The following DCAF6 variants were observed in gnomAD, a reference collection of about 807,000 sequenced individuals.
DCAF6 encodes DDB1- and CUL4-associated factor 6.
In DCAF6, 54 loss-of-function variants were observed where a neutral mutation model predicts 125.1. That is an observed-to-expected ratio of 0.43 (90% CI 0.35 to 0.54). The LOEUF (loss-of-function observed/expected upper bound fraction) is 0.54. Ranked by LOEUF, DCAF6 falls within the 20% of genes least tolerant of loss-of-function variation. The pLI, the probability that DCAF6 is intolerant of heterozygous loss-of-function variation, is 0.01. For synonymous variants in DCAF6, 371 were observed against 390.4 expected (o/e 0.95, Z 0.58); for missense variants, 934 against 1,161.7 (o/e 0.80, Z 2.85).
the DCAF6 span, among the ~76,000 whole-genome samples, chr1:167,925,463 A>G: frequency 1.7e-5 from 2 of 116,358 alleles, no homozygotes; most frequent in African/African-American, 8.5e-5. Flanking sequence ...ATATATATAT[A>G]TATATATATA....
intron 4 of DCAF6, among the ~76,000 whole-genome samples, chr1:167,981,015 T>C (rs1679046812): frequency 1.3e-5 from 2 of 150,148 alleles, no homozygotes; most frequent in Admixed American, 1.3e-4. Context: ...CAAGCAATTC[T>C]CCTGCCTCAG....
At chr1:168,032,490 G>T (rs1195299596) in intron 12 of DCAF6, among the ~76,000 whole-genome samples, 1 of 152,214 alleles carries the variant, frequency 6.6e-6, no homozygotes, top group Non-Finnish European at 1.5e-5. Context: ...AAAAACTGTG[G>T]TTGAGAAATT....
At chr1:167,975,487 G>A (rs1362694834) in intron 4 of DCAF6, among the ~76,000 whole-genome samples, 1 of 152,126 alleles carries the variant, frequency 6.6e-6, no homozygotes, top group Non-Finnish European at 1.5e-5. Context: ...AATTAAATAA[G>A]GTGGAATAAA....
Position 168,015,893 on chromosome 1 carries a change from G to C in DCAF6, c.1491G>C (p.Gln497His), listed in dbSNP as rs924510861. Residue 497 changes from glutamine to histidine, a missense_variant, in exon 11 of 22, where the codon CAG becomes CAC. Around this residue, in one of 5 missense-constraint regions of DCAF6, gnomAD observed 559 missense variants for 635.5 expected, o/e 0.88. Coordinates refer to ENST00000367840, the MANE Select transcript of DCAF6 (RefSeq NM_001198956.2). ...AGCTAGCTGCACATACCCAGCAACA[G>C]CCTTCCACTTCTGATCAGTCTTCTC... Reference protein sequence around the residue: ...QQELAAHTQQQPSTSDQSSHE... With the variant: ...QQELAAHTQQHPSTSDQSSHE... 1 of 1,542,960 alleles carries C rather than the reference G, an allele frequency of 6.5e-7. No individual in the cohort carries two copies. The highest frequency in any genetic ancestry group is 8.7e-7 in the Non-Finnish European group (1 of 1,143,182).
intron 17 of DCAF6, among the ~76,000 whole-genome samples, chr1:168,059,873 C>T (rs1456402649): frequency 1.3e-5 from 2 of 152,064 alleles, no homozygotes; most frequent in Non-Finnish European, 2.9e-5. Flanking sequence ...GTTTCAAACT[C>T]CTGAGCTCAA....
intron 11 of DCAF6, among the ~76,000 whole-genome samples, chr1:168,016,201 A>G (rs1557981329): frequency 6.6e-6 from 1 of 152,150 alleles, no homozygotes; most frequent in African/African-American, 2.4e-5. Flanking sequence ...AGAGGGGCAA[A>G]TATTTATTAC....
At position 168,023,043 on chromosome 1, in the gene DCAF6, A is replaced by G; in HGVS notation, c.1605A>G (p.Gln535=). The part of the protein sequence containing the change: ...KQLGSMSLDE[Q]QDNNNEKLSP... ...TCGGATCCATGTCACTTGACGAGCA[A>G]CAGGGTGCGTGCAACAGGAGATGCG... Residue 535 remains glutamine, a synonymous_variant, in exon 12 of 22, where the codon CAA becomes CAG. Transcript: ENST00000367840. 3 of 1,614,186 alleles carry G rather than the reference A, an allele frequency of 1.9e-6. No homozygotes were observed. Among genetic ancestry groups the G allele is most frequent in the Non-Finnish European group, 1.7e-6 (2 of 1,180,022 alleles).
intron 4 of DCAF6, among the ~76,000 whole-genome samples, chr1:167,985,183 T>TTGTGTG (rs762284966): frequency 8.7e-6 from 1 of 114,326 alleles, no homozygotes; most frequent in Non-Finnish European, 1.8e-5. Flanking sequence ...CCAAACCACG[T>TTGTGTG]CGTGTGTGTG....
At chr1:167,971,179 T>G (rs1677244607) in intron 3 of DCAF6, among the ~76,000 whole-genome samples, 1 of 152,222 alleles carries the variant, frequency 6.6e-6, no homozygotes, top group African/African-American at 2.4e-5. Context: ...TTAAAATTCA[T>G]TCTTCAAATC....
At chr1:168,009,065 C>A (rs1683801312) in intron 10 of DCAF6, among the ~76,000 whole-genome samples, 1 of 149,560 alleles carries the variant, frequency 6.7e-6, no homozygotes, top group African/African-American at 2.5e-5. Flanking sequence ...GTGGCGTGAT[C>A]TCGGCTCACT....
chr1:168,039,328 CT>C (rs1688205369), intron 13 of DCAF6, among the ~76,000 whole-genome samples: 1 of 151,456 alleles, frequency 6.6e-6, no homozygotes, highest in Non-Finnish European at 1.5e-5. Context: ...TTTAAAAATA[CT>C]TTTAGTATTT....
At chr1:167,875,555 A>G in the DCAF6 span, among the ~76,000 whole-genome samples, 1 of 152,208 alleles carries the variant, frequency 6.6e-6, no homozygotes, top group African/African-American at 2.4e-5. Flanking sequence ...TTGCTCAAAC[A>G]ATAATAGCGC....
intron 11 of DCAF6, among the ~76,000 whole-genome samples, chr1:168,016,585 T>C (rs1219426371): frequency 1.3e-5 from 2 of 152,168 alleles, no homozygotes; most frequent in Non-Finnish European, 2.9e-5. Context: ...AAATTGTCAC[T>C]CTTTTTTTCT....
chr1:167,939,508 A>G (rs540993221), intron 1 of DCAF6, among the ~76,000 whole-genome samples: 1 of 152,158 alleles, frequency 6.6e-6, no homozygotes, highest in Non-Finnish European at 1.5e-5. Flanking sequence ...TACGCCTGGA[A>G]TCCCAGCACT....
intron 7 of DCAF6, among the ~76,000 whole-genome samples, chr1:167,994,181 C>G (rs1010083364): frequency 2.6e-5 from 4 of 151,716 alleles, no homozygotes; most frequent in Non-Finnish European, 5.9e-5. Context: ...AACCTTATCC[C>G]TAACAGTGAA....
intron 10 of DCAF6, among the ~76,000 whole-genome samples, chr1:168,009,373 TC>T (rs1473274124): frequency 3.6e-5 from 5 of 140,798 alleles, no homozygotes; most frequent in Non-Finnish European, 7.5e-5. Context: ...CTTCCTTCCT[TC>T]CTTCCTTCCT....
At chr1:167,974,165 C>A (rs1677781850) in intron 3 of DCAF6, among the ~76,000 whole-genome samples, 1 of 151,804 alleles carries the variant, frequency 6.6e-6, no homozygotes, top group Admixed American at 6.6e-5. Flanking sequence ...TTTTTAAGGG[C>A]CATTTGTATA....
At chr1:167,894,155 T>C in the DCAF6 span, among the ~76,000 whole-genome samples, 1 of 152,224 alleles carries the variant, frequency 6.6e-6, no homozygotes, top group Non-Finnish European at 1.5e-5. Context: ...TTCAGTCACA[T>C]GTAGCTCAAA....
chr1:167,939,833 G>A (rs1671958960), intron 1 of DCAF6, among the ~76,000 whole-genome samples: 1 of 152,174 alleles, frequency 6.6e-6, no homozygotes, highest in Non-Finnish European at 1.5e-5. Flanking sequence ...CAAATTCCAA[G>A]TTAGGATTTT....
Sources: gnomAD v4.1 joint callset for allele counts (sites outside exome capture counted in the v4.1 genomes callset) on GRCh38, gnomAD v4.1.1 for gene constraint, gnomAD v4.1.1 regional missense constraint, MANE v1.5 for transcripts, NCBI Gene and HGNC (gene_info 2026-07-23, HGNC 2026-07-21) for gene names.